CLVS1: variants seen among roughly 807,000 people sequenced by gnomAD.
CLVS1 encodes the protein clavesin-1.
In CLVS1, 10 loss-of-function variants were observed where a neutral mutation model predicts 33.1. That is an observed-to-expected ratio of 0.30 (90% CI 0.19 to 0.51). CLVS1 has a LOEUF of 0.51. Among genes scored for constraint, CLVS1 ranks in the 20% least tolerant of loss-of-function variants. The pLI is 0.97. For synonymous variants in CLVS1, 163 were observed against 166.1 expected (o/e 0.98, Z 0.14); for missense variants, 343 against 433.4 (o/e 0.79, Z 1.85).
intron 1 of CLVS1, among the ~76,000 whole-genome samples, chr8:61,298,040 G>A (rs1304715155): frequency 6.6e-6 from 1 of 152,168 alleles, no homozygotes; most frequent in Non-Finnish European, 1.5e-5. Context: ...TAGTGCATAA[G>A]TTTGGATAAT....
intron 2 of CLVS1, among the ~76,000 whole-genome samples, chr8:61,346,709 T>C (rs954117995): frequency 1.3e-5 from 2 of 152,170 alleles, no homozygotes; most frequent in African/African-American, 4.8e-5. Context: ...GTGTAAGGCA[T>C]GGTGCCAAGA....
At chr8:61,342,476 C>T (rs568719729) in intron 2 of CLVS1, among the ~76,000 whole-genome samples, 6 of 152,314 alleles carry the variant, frequency 3.9e-5, no homozygotes, top group South Asian at 2.1e-4. Context: ...CTCTATCTTG[C>T]GCGCCATTCC....
At chr8:61,428,083 C>G (rs978230699) in intron 3 of CLVS1, among the ~76,000 whole-genome samples, 1 of 152,202 alleles carries the variant, frequency 6.6e-6, no homozygotes, top group Non-Finnish European at 1.5e-5. Context: ...AGATAAAGCT[C>G]TATGACAAAG....
the CLVS1 span, among the ~76,000 whole-genome samples, chr8:60,990,857 C>T: frequency 6.6e-6 from 1 of 151,958 alleles, no homozygotes; most frequent in African/African-American, 2.4e-5. Context: ...TACAGGCACC[C>T]ACCACCACGC....
intron 3 of CLVS1, among the ~76,000 whole-genome samples, chr8:61,382,029 C>A (rs1813899071): frequency 6.6e-6 from 1 of 152,116 alleles, no homozygotes; most frequent in Non-Finnish European, 1.5e-5. Context: ...ACTCCTCAAA[C>A]CTTGGTTTAT....
chr8:61,380,797 CA>C (rs1400801429), intron 3 of CLVS1, among the ~76,000 whole-genome samples: 1 of 152,062 alleles, frequency 6.6e-6, no homozygotes, highest in Non-Finnish European at 1.5e-5. Flanking sequence ...GTGACATGTC[CA>C]AAATCAATTT....
intron 1 of CLVS1, among the ~76,000 whole-genome samples, chr8:61,128,576 G>A (rs549710946): frequency 6.6e-6 from 1 of 152,330 alleles, no homozygotes; most frequent in Non-Finnish European, 1.5e-5. Context: ...GTCCAGGGGA[G>A]AGCAGGACAC....
intron 3 of CLVS1, among the ~76,000 whole-genome samples, chr8:61,385,063 T>G (rs893096961): frequency 1.8e-4 from 28 of 151,814 alleles, no homozygotes; most frequent in African/African-American, 5.8e-4. Context: ...AAACCACAGG[T>G]GGTGGGGGCA....
the CLVS1 span, among the ~76,000 whole-genome samples, chr8:60,988,350 G>A: frequency 1.3e-5 from 2 of 152,182 alleles, no homozygotes; most frequent in South Asian, 4.2e-4. Flanking sequence ...CTTCCCACCT[G>A]CCAGATACTG....
chr8:61,445,189 A>G (rs903557003), intron 3 of CLVS1, among the ~76,000 whole-genome samples: 7 of 152,252 alleles, frequency 4.6e-5, no homozygotes, highest in Admixed American at 3.9e-4. Flanking sequence ...TGAAGTCTAC[A>G]TGCTAATATT....
chr8:61,228,854 T>C (rs1047207778), intron 2 of CLVS1, among the ~76,000 whole-genome samples: 2 of 152,232 alleles, frequency 1.3e-5, no homozygotes, highest in African/African-American at 4.8e-5. Context: ...AACAATAGCA[T>C]AAGTGTGCAG....
chr8:61,000,667 T>A, the CLVS1 span, among the ~76,000 whole-genome samples: 2 of 152,232 alleles, frequency 1.3e-5, no homozygotes, highest in African/African-American at 4.8e-5. Context: ...AAAGGCTGAA[T>A]TTCCAATGGT....
intron 1 of CLVS1, among the ~76,000 whole-genome samples, chr8:61,098,531 C>T (rs1212510424): frequency 1.3e-5 from 2 of 151,932 alleles, no homozygotes; most frequent in African/African-American, 4.8e-5. Flanking sequence ...GCATAATAAC[C>T]ATCACACTTT....
intron 3 of CLVS1, among the ~76,000 whole-genome samples, chr8:61,398,718 C>T (rs1024464323): frequency 5.3e-5 from 8 of 152,044 alleles, no homozygotes; most frequent in African/African-American, 1.2e-4. Flanking sequence ...ACTAACCCTC[C>T]GACAGGCCCC....
chr8:60,975,450 T>C, the CLVS1 span, among the ~76,000 whole-genome samples: 1 of 152,110 alleles, frequency 6.6e-6, no homozygotes, highest in African/African-American at 2.4e-5. Context: ...TCCCTATCAG[T>C]CAGAGACTGG....
intron 2 of CLVS1, among the ~76,000 whole-genome samples, chr8:61,179,742 C>G (rs775813060): frequency 1.3e-5 from 2 of 152,036 alleles, no homozygotes; most frequent in African/African-American, 2.4e-5. Context: ...CTGAAGGACT[C>G]CTGGGTGAAT....
At chr8:61,491,955 G>T (rs1014094582) in intron 5 of CLVS1, among the ~76,000 whole-genome samples, 1 of 152,164 alleles carries the variant, frequency 6.6e-6, no homozygotes, top group African/African-American at 2.4e-5. Context: ...CCTATCATGG[G>T]GGCAGGAGGA....
intron 1 of CLVS1, among the ~76,000 whole-genome samples, chr8:61,298,537 A>G (rs1180769490): frequency 6.6e-6 from 1 of 152,200 alleles, no homozygotes; most frequent in African/African-American, 2.4e-5. Context: ...TAAATTAAGC[A>G]GAGCAATCAT....
intron 1 of CLVS1, among the ~76,000 whole-genome samples, chr8:61,071,898 G>A (rs1391787621): frequency 6.6e-6 from 1 of 152,152 alleles, no homozygotes; most frequent in Non-Finnish European, 1.5e-5. Flanking sequence ...TGTTGTCAGT[G>A]CTTTTGTTTA....
Sources: gnomAD v4.1 joint callset for allele counts (sites outside exome capture counted in the v4.1 genomes callset) on GRCh38, gnomAD v4.1.1 for gene constraint, MANE v1.5 for transcripts, NCBI Gene and HGNC (gene_info 2026-07-23, HGNC 2026-07-21) for gene names.